Variants in PDE1C observed in about 807,000 individuals in gnomAD.
PDE1C encodes the protein dual specificity calcium/calmodulin-dependent 3',5'-cyclic nucleotide phosphodiesterase 1C.
PDE1C carries 62 observed loss-of-function variants against 93.1 expected under a neutral mutation model. The ratio of observed to expected loss-of-function variants is 0.67; its 90% CI spans 0.54 to 0.82. PDE1C has a LOEUF of 0.82. PDE1C is among the 40% of genes least tolerant of loss of function. The probability of loss-of-function intolerance (pLI) is 0.00; values close to 1 mark genes in which losing one functional copy is unlikely to be tolerated. For missense variants in PDE1C, 742 were observed against 884.6 expected (o/e 0.84, Z 2.04); for synonymous variants, 325 against 310.1 (o/e 1.05, Z -0.50).
rs541026787 is a variant in PDE1C, at chr7:31,850,293, TTTTCC to T, written c.851+343_851+347del. On this transcript the variant is annotated intron_variant, in intron 8 of 17. Transcript: ENST00000396191. Reference sequence around the variant, plus strand: ...ACTCTAATCCTCACTGTCCTTATTCTTTTCCTTTATGTGTCATCTGGGCCTTTACG... The same window carrying T: ...ACTCTAATCCTCACTGTCCTTATTCTTTTATGTGTCATCTGGGCCTTTACG... 3.0e-3 allele frequency among the ~76,000 whole-genome samples: 459 copies of T among 152,270 alleles called. 3 individuals carry two copies. Among genetic ancestry groups the T allele is most frequent in the African/African-American group, 0.01 (423 of 41,570 alleles).
chr7:32,209,710 C>G (rs1333417961), intron 1 of PDE1C, among the ~76,000 whole-genome samples: 1 of 152,158 alleles, frequency 6.6e-6, no homozygotes, highest in Admixed American at 6.5e-5. Context: ...CAAGGCTGCC[C>G]TCAACACCTA....
the PDE1C span, among the ~76,000 whole-genome samples, chr7:31,729,359 A>G: frequency 2.6e-5 from 4 of 152,194 alleles, no homozygotes; most frequent in Admixed American, 2.6e-4. Context: ...GTAGTCACAA[A>G]TCTTACAAAA....
rs79878532 is a variant in PDE1C at position 32,391,839 on chromosome 7, A to C, written c.310+35983T>G. 2.9e-3 allele frequency among the ~76,000 whole-genome samples: 439 copies of C among 152,188 alleles called. 4 individuals are homozygous for C. The highest frequency in any genetic ancestry group is 0.017 in the Middle Eastern group (5 of 294). ...AAAATTTGGAGGATAAAGACAAAGC[A>C]ATGCTTAGAGGAAAATGTATAGCTT... On this transcript the variant is annotated intron_variant, in intron 1 of 1. Transcript: ENST00000672256.
At chr7:31,694,397 C>CACACACACACACACACAT in the PDE1C span, among the ~76,000 whole-genome samples, 11 of 151,678 alleles carry the variant, frequency 7.3e-5, no homozygotes, top group African/African-American at 2.7e-4. Context: ...AACACACACA[C>CACACACACACACACACAT]ACACACACAC....
intron 1 of PDE1C, among the ~76,000 whole-genome samples, chr7:32,305,799 C>T (rs1401007919): frequency 6.6e-6 from 1 of 152,238 alleles, no homozygotes; most frequent in Non-Finnish European, 1.5e-5. Context: ...AAAGGGTACC[C>T]TTCTCCAAGG....
At chr7:31,642,129 C>T in the PDE1C span, 1 of 1,391,900 alleles carries the variant, frequency 7.2e-7, no homozygotes, top group South Asian at 1.3e-5. Flanking sequence ...GTCCTGCTGG[C>T]TGCGTGTTTT....
chr7:32,377,751 AT>A (rs1201456834), intron 1 of PDE1C, among the ~76,000 whole-genome samples: 5 of 151,952 alleles, frequency 3.3e-5, no homozygotes, highest in African/African-American at 1.2e-4. Context: ...TCACTAGTAA[AT>A]GGTGGAATTG....
the PDE1C span, chr7:31,652,762 CAA>C: frequency 6.2e-7 from 1 of 1,613,912 alleles, no homozygotes; most frequent in African/African-American, 1.3e-5. Flanking sequence ...TCAGCTTGGG[CAA>C]AGTTAGGTCC....
At chr7:32,276,809 T>C (rs1811321122) in intron 1 of PDE1C, among the ~76,000 whole-genome samples, 1 of 152,186 alleles carries the variant, frequency 6.6e-6, no homozygotes, top group Admixed American at 6.5e-5. Flanking sequence ...CTATGATCAC[T>C]ACTACCACCA....
intron 2 of PDE1C, among the ~76,000 whole-genome samples, chr7:31,902,167 G>C (rs11489376): frequency 0.1 from 15,624 of 150,722 alleles, 970 homozygotes; most frequent in African/African-American, 0.21. Context: ...ATTATATTAG[G>C]ACATGAGAAA....
At chr7:31,900,448 A>C (rs1389999620) in intron 2 of PDE1C, among the ~76,000 whole-genome samples, 1 of 147,038 alleles carries the variant, frequency 6.8e-6, no homozygotes, top group Non-Finnish European at 1.5e-5. Flanking sequence ...ACAATCCTTT[A>C]TTGAAAGTTG....
chr7:31,868,562 C>T (rs954233408), intron 6 of PDE1C, among the ~76,000 whole-genome samples: 3 of 151,924 alleles, frequency 2.0e-5, no homozygotes, highest in African/African-American at 7.3e-5. Context: ...CATTAAACAA[C>T]CAAATATTTG....
In PDE1C at chr7:31,968,241, A is replaced by G. The variant is rs372571727; in HGVS notation, c.128+83313T>C. 1.9e-3 allele frequency among the ~76,000 whole-genome samples: 296 copies of G among 152,274 alleles called. 9 individuals are homozygous for G. In the South Asian group the frequency reaches 0.04, roughly 21 times the overall value. ...TCTCAGCCCAAAATCTCCTTAAGCT[A>G]ATAAGCAACTTCAGCTAAGTCTCAG... On this transcript the variant is annotated intron_variant, in intron 2 of 17. Coordinates refer to ENST00000396191, the MANE Select transcript of PDE1C (RefSeq NM_001191057.4).
chr7:31,991,722 G>A (rs1160551758), intron 2 of PDE1C, among the ~76,000 whole-genome samples: 1 of 152,190 alleles, frequency 6.6e-6, no homozygotes, highest in African/African-American at 2.4e-5. Flanking sequence ...GTATGTGTAT[G>A]TCTGTGTATA....
At chr7:31,904,492 T>C (rs1453487568) in intron 2 of PDE1C, among the ~76,000 whole-genome samples, 3 of 151,074 alleles carry the variant, frequency 2.0e-5, no homozygotes, top group African/African-American at 7.3e-5. Context: ...AAAAAAAAAA[T>C]CTAAATCCAC....
At chr7:32,396,425 C>G (rs1784840614) in intron 1 of PDE1C, among the ~76,000 whole-genome samples, 1 of 151,432 alleles carries the variant, frequency 6.6e-6, no homozygotes, top group South Asian at 2.1e-4. Context: ...TGGCAGTGAG[C>G]AGAGATCATG....
intron 2 of PDE1C, among the ~76,000 whole-genome samples, chr7:31,991,996 C>A (rs1301501286): frequency 1.3e-5 from 2 of 152,074 alleles, no homozygotes; most frequent in Non-Finnish European, 2.9e-5. Context: ...CCAGACCTAT[C>A]TGGGTTAATC....
intron 1 of PDE1C, among the ~76,000 whole-genome samples, chr7:32,342,623 G>C (rs1783779392): frequency 6.6e-6 from 1 of 152,190 alleles, no homozygotes; most frequent in African/African-American, 2.4e-5. Context: ...ATGAGTGATA[G>C]TATGGTGTAG....
intron 2 of PDE1C, among the ~76,000 whole-genome samples, chr7:31,993,895 T>C (rs937994655): frequency 1.3e-5 from 2 of 152,182 alleles, no homozygotes; most frequent in Non-Finnish European, 2.9e-5. Flanking sequence ...GCAATAGCCC[T>C]GGGTTTTCCC....
Sources: gnomAD v4.1 joint callset for allele counts (sites outside exome capture counted in the v4.1 genomes callset) on GRCh38, gnomAD v4.1.1 for gene constraint, MANE v1.5 for transcripts, NCBI Gene and HGNC (gene_info 2026-07-23, HGNC 2026-07-21) for gene names.